MACROD2: variants seen among roughly 807,000 people sequenced by gnomAD.
The protein encoded by MACROD2 is ADP-ribose glycohydrolase MACROD2.
Under a neutral mutation model 70.4 loss-of-function variants are expected in MACROD2, and 36 were observed. The observed-to-expected ratio is 0.51, with a 90% confidence interval of 0.39 to 0.68. The LOEUF is 0.68. MACROD2 is among the 30% of genes least tolerant of loss of function. The pLI, the probability that MACROD2 is intolerant of heterozygous loss-of-function variation, is 0.00. For missense variants in MACROD2, 496 were observed against 538.4 expected (o/e 0.92, Z 0.78); for synonymous variants, 172 against 178.8 (o/e 0.96, Z 0.30).
chr20:14,860,319 A>C (rs556028555), intron 5 of MACROD2, among the ~76,000 whole-genome samples: 1 of 152,278 alleles, frequency 6.6e-6, no homozygotes, highest in African/African-American at 2.4e-5. Context: ...AATTTAAGGA[A>C]AAGAATTTAT....
intron 3 of MACROD2, among the ~76,000 whole-genome samples, chr20:14,328,513 G>C (rs1265596509): frequency 6.6e-6 from 1 of 152,026 alleles, no homozygotes; most frequent in Non-Finnish European, 1.5e-5. Context: ...AGTCTCTTCT[G>C]TCCTTTTAAG....
chr20:14,087,774 T>C lies in MACROD2; in HGVS notation c.271+2046T>C, dbSNP rs1032421800. Among the ~76,000 whole-genome samples, 10 of 152,122 alleles carry C rather than the reference T, an allele frequency of 6.6e-5. 1 individual carries two copies. Among genetic ancestry groups the C allele is most frequent in the Admixed American group, 5.2e-4 (8 of 15,266 alleles). On this transcript the variant is annotated intron_variant, in intron 3 of 17. Coordinates refer to ENST00000684519, the MANE Select transcript of MACROD2 (RefSeq NM_001351661.2). The stretch of plus-strand genomic sequence containing the variant: ...CCTCTCCTGTAGTTTTAATAAGATA[T>C]CACTATAGCTAGTAATTTAATGTAT...
chr20:14,414,932 T>G (rs7262153), intron 3 of MACROD2, among the ~76,000 whole-genome samples: 27 of 151,568 alleles, frequency 1.8e-4, no homozygotes, highest in Middle Eastern at 3.4e-3. Flanking sequence ...GCTTTATGTT[T>G]TTTTTTTTTT....
intron 8 of MACROD2, among the ~76,000 whole-genome samples, chr20:15,809,933 A>T (rs1044545152): frequency 2.3e-4 from 34 of 149,440 alleles, no homozygotes; most frequent in Non-Finnish European, 3.8e-4. Flanking sequence ...TTACATATGT[A>T]TACATGTGCC....
chr20:15,133,785 A>G (rs957563718), intron 5 of MACROD2, among the ~76,000 whole-genome samples: 2 of 152,250 alleles, frequency 1.3e-5, no homozygotes, highest in African/African-American at 4.8e-5. Context: ...ATTCGTTAAT[A>G]TGAGACTGTT....
At chr20:14,193,165 A>G (rs905704833) in intron 3 of MACROD2, among the ~76,000 whole-genome samples, 26 of 152,302 alleles carry the variant, frequency 1.7e-4, no homozygotes, top group African/African-American at 5.1e-4. Flanking sequence ...TAATTGAACC[A>G]TCTTAAAGTG....
intron 4 of MACROD2, among the ~76,000 whole-genome samples, chr20:14,561,441 T>C (rs934263858): frequency 1.3e-5 from 2 of 151,882 alleles, no homozygotes; most frequent in African/African-American, 4.8e-5. Flanking sequence ...CCCAATAATT[T>C]CTATTGTCAT....
chr20:15,402,122 A>T (rs974895467), intron 6 of MACROD2, among the ~76,000 whole-genome samples: 2 of 152,182 alleles, frequency 1.3e-5, no homozygotes, highest in Admixed American at 1.3e-4. Context: ...AATATAGTTC[A>T]GATTCGCAGC....
chr20:15,672,990 C>A (rs181256668), intron 8 of MACROD2, among the ~76,000 whole-genome samples: 171 of 152,168 alleles, frequency 1.1e-3, no homozygotes, highest in African/African-American at 2.4e-3. Flanking sequence ...CCATGTAAGA[C>A]ATGCCTTTTA....
At chr20:14,780,478 C>T (rs1196413314) in intron 5 of MACROD2, among the ~76,000 whole-genome samples, 2 of 150,144 alleles carry the variant, frequency 1.3e-5, no homozygotes, top group Non-Finnish European at 2.9e-5. Context: ...AGGAGAATCG[C>T]TTGAACCTGG....
rs1230617854 is a variant in MACROD2 at position 15,864,761 on chromosome 20, C to A, written c.727+1935C>A. Among the ~76,000 whole-genome samples the A allele has an allele frequency of 2.6e-5, 4 of 152,130 alleles. No individual in the cohort carries two copies. In the East Asian group the frequency reaches 7.7e-4, roughly 29 times the overall value. On this transcript the variant is annotated intron_variant, in intron 9 of 17. Transcript: ENST00000684519. ...GTGAAATAATAAAATCATCCTCAATCTCACATCAATGCTTTGAAGCACACA... is the reference window on the plus strand; with the variant it reads ...GTGAAATAATAAAATCATCCTCAATATCACATCAATGCTTTGAAGCACACA...
At chr20:15,059,833 C>A (rs1400463011) in intron 5 of MACROD2, among the ~76,000 whole-genome samples, 2 of 152,098 alleles carry the variant, frequency 1.3e-5, no homozygotes, top group Non-Finnish European at 2.9e-5. Context: ...TTTCATGTAG[C>A]CAAGGAGGTA....
intron 6 of MACROD2, among the ~76,000 whole-genome samples, chr20:15,302,861 T>C (rs1484406861): frequency 6.6e-6 from 1 of 152,216 alleles, no homozygotes; most frequent in Non-Finnish European, 1.5e-5. Context: ...AAATTGAGCA[T>C]CTTTACAAAC....
At chr20:14,706,804 G>A (rs1365591962) in intron 5 of MACROD2, among the ~76,000 whole-genome samples, 1 of 151,934 alleles carries the variant, frequency 6.6e-6, no homozygotes, top group Admixed American at 6.6e-5. Context: ...GAGACTGAAG[G>A]GCACAATTGC....
intron 8 of MACROD2, among the ~76,000 whole-genome samples, chr20:15,520,356 C>G (rs969340914): frequency 1.3e-5 from 2 of 152,130 alleles, no homozygotes; most frequent in Admixed American, 6.5e-5. Context: ...GCATGGAGAC[C>G]TTCCCCAACA....
At chr20:15,606,900 G>A (rs757181170) in intron 8 of MACROD2, among the ~76,000 whole-genome samples, 6 of 151,878 alleles carry the variant, frequency 4.0e-5, no homozygotes, top group Non-Finnish European at 7.4e-5. Context: ...TACTCGGGAG[G>A]CTGAGGCAGG....
intron 5 of MACROD2, among the ~76,000 whole-genome samples, chr20:14,957,540 T>C (rs980834894): frequency 7.9e-5 from 12 of 152,070 alleles, no homozygotes; most frequent in African/African-American, 2.9e-4. Context: ...GATGGCAAAA[T>C]AGCAGCTCTA....
intron 3 of MACROD2, among the ~76,000 whole-genome samples, chr20:14,153,499 G>T (rs2055053686): frequency 6.6e-6 from 1 of 152,124 alleles, no homozygotes; most frequent in South Asian, 2.1e-4. Flanking sequence ...AGTTCCAAGA[G>T]CATATTAAGA....
At chr20:15,871,816 C>T (rs1177881958) in intron 9 of MACROD2, among the ~76,000 whole-genome samples, 4 of 152,168 alleles carry the variant, frequency 2.6e-5, no homozygotes, top group Admixed American at 6.5e-5. Flanking sequence ...AATTTTGACA[C>T]TCTTGTCAAT....
Sources: allele counts gnomAD v4.1 joint callset (sites outside exome capture counted in the v4.1 genomes callset), GRCh38; gene constraint gnomAD v4.1.1; transcripts MANE v1.5; gene names NCBI Gene and HGNC (gene_info 2026-07-23, HGNC 2026-07-21).